NAV1: variants seen among roughly 807,000 people sequenced by gnomAD.
NAV1 encodes neuron navigator 1.
NAV1 carries 18 observed loss-of-function variants against 175.2 expected under a neutral mutation model. The ratio of observed to expected loss-of-function variants is 0.10; its 90% confidence interval spans 0.07 to 0.15. The LOEUF is 0.15. NAV1 is among the 10% of genes least tolerant of loss of function. The pLI is 1.00. For synonymous variants in NAV1, 897 were observed against 978.7 expected, an observed-to-expected ratio of 0.92 and a Z score of 1.56; for missense variants, 1,731 against 2,436.6, an observed-to-expected ratio of 0.71 and a Z score of 6.10.
Position 201,718,955 on chromosome 1 carries a change from G to A in NAV1, c.1226+200G>A, listed in dbSNP as rs142696258. ...TATTCTAGACTTGGGTGTGGTGTAGGCAGGGCCTACATCCAAGGAGCTGAT... is the reference window on the plus strand; with the variant it reads ...TATTCTAGACTTGGGTGTGGTGTAGACAGGGCCTACATCCAAGGAGCTGAT... On this transcript the variant is annotated intron_variant, in intron 3 of 29. Coordinates refer to ENST00000367296, the Ensembl canonical transcript of NAV1. This position sits in a 1 kb window ranked among gnomAD's most constrained non-coding sequence, Gnocchi z 4.8. 2.0e-4 allele frequency among the ~76,000 whole-genome samples: 31 copies of A among 152,148 alleles called. No individual in the cohort carries two copies. Among genetic ancestry groups the A allele is most frequent in the African/African-American group, 7.2e-4 (30 of 41,502 alleles).
In NAV1 at chr1:201,740,182, G is replaced by T; in HGVS notation, c.1226+21427G>T. The T allele has an allele frequency of 1.1e-6, 1 of 945,760 alleles. No individual in the cohort carries two copies. The highest frequency in any genetic ancestry group is 1.5e-6 in the Non-Finnish European group (1 of 660,270). 58.6% of individuals were successfully genotyped at this position (945,760 alleles called of 1,614,324 possible). A position where few individuals can be genotyped will look rare whatever the true frequency, so the allele number is the denominator to read the frequency against. ...GCCCCCCAGTTCCGCCGCAGCTGCA[G>T]TCTCAGGGGCAGTGGGTGTGGGGTC... On this transcript the variant is annotated intron_variant, in intron 3 of 29. Transcript: ENST00000367296. This position sits in a 1 kb window ranked among gnomAD's most constrained non-coding sequence, Gnocchi z 4.7.
Position 201,539,495 on chromosome 1 carries a change from G to A in NAV1, c.-144+153G>A, listed in dbSNP as rs952927950. 1.3e-5 allele frequency among the ~76,000 whole-genome samples: 2 copies of A among 152,116 alleles called. No individual in the cohort carries two copies. Among genetic ancestry groups the A allele is most frequent in the Admixed American group, 1.3e-4 (2 of 15,276 alleles). ...CCGAGGGAGGCTGTGGGCTGGGCTC[G>A]GGAGAGGCGCTGGAATAAATAACAA... On this transcript the variant is annotated intron_variant, in intron 1 of 33. Transcript: ENST00000685211. The surrounding 1 kb of genome is among the most constrained non-coding windows in gnomAD (Gnocchi z 5.6).
chr1:201,559,407 C>T (rs1258099323), intron 1 of NAV1, among the ~76,000 whole-genome samples: 1 of 152,114 alleles, frequency 6.6e-6, no homozygotes, highest in Non-Finnish European at 1.5e-5. Context: ...CAGTGCTCTT[C>T]CAACAGTTGC....
At chr1:201,803,849 C>A in intron 16 of NAV1, 135 bp downstream of exon 20, 1 of 1,163,638 alleles carries the variant, frequency 8.6e-7, no homozygotes, top group Non-Finnish European at 1.2e-6. Context: ...GTGATGTCCG[C>A]TCAGAGCATG....
At position 201,708,435 on chromosome 1, in the gene NAV1, T is replaced by TGC. The variant is rs761155804; in HGVS notation, c.758-4377_758-4376dup. Among the ~76,000 whole-genome samples, 835 of 129,500 alleles carry TGC rather than the reference T, an allele frequency of 6.4e-3. 11 individuals are homozygous for TGC. Among genetic ancestry groups the TGC allele is most frequent in the African/African-American group, 0.02 (692 of 34,774 alleles). The allele number at this position is 129,500 out of a possible 152,430, so 85.0% of individuals were successfully genotyped here. On this transcript the variant is annotated intron_variant, in intron 1 of 29. Transcript: ENST00000367296. ...CCCCCTTCCCCCCTCAAACCCTACT[T>TGC]GCGCGCACACACACACACACACACA...
intron 16 of NAV1, 68 bp downstream of exon 20, chr1:201,803,782 G>A (rs1029528696): frequency 6.4e-5 from 100 of 1,566,164 alleles, no homozygotes; most frequent in Non-Finnish European, 7.0e-5. Context: ...TCAGCATAGG[G>A]ATCGAATCCT....
chr1:201,656,532 C>T (rs1253909913), intron 1 of NAV1, among the ~76,000 whole-genome samples: 6 of 152,024 alleles, frequency 3.9e-5, no homozygotes, highest in Non-Finnish European at 7.3e-5. Context: ...AGGAAGATAG[C>T]GAATGTTGAG....
At chr1:201,562,699 A>G (rs188591871) in intron 1 of NAV1, among the ~76,000 whole-genome samples, 1 of 152,350 alleles carries the variant, frequency 6.6e-6, no homozygotes, top group South Asian at 2.1e-4. Flanking sequence ...CTAGGACTGT[A>G]TGAGAGCAGA....
intron 3 of NAV1, among the ~76,000 whole-genome samples, chr1:201,771,964 A>AATATAT (rs1675618523): frequency 6.6e-6 from 1 of 152,216 alleles, no homozygotes; most frequent in Non-Finnish European, 1.5e-5. Context: ...ATTCTTGGAG[A>AATATAT]ATATATAAAT....
intron 1 of NAV1, among the ~76,000 whole-genome samples, chr1:201,661,566 C>G (rs1206552772): frequency 6.6e-6 from 1 of 152,144 alleles, no homozygotes; most frequent in South Asian, 2.1e-4. Context: ...GGCTCTGTCA[C>G]TCACTAACTG....
intron 1 of NAV1, among the ~76,000 whole-genome samples, chr1:201,579,964 A>G (rs1323576419): frequency 6.6e-6 from 1 of 152,156 alleles, no homozygotes; most frequent in Non-Finnish European, 1.5e-5. Context: ...CAGGCAAGCC[A>G]ATGATGTAGT....
chr1:201,665,818 C>G (rs551493352), intron 1 of NAV1, among the ~76,000 whole-genome samples: 1 of 151,876 alleles, frequency 6.6e-6, no homozygotes, highest in Non-Finnish European at 1.5e-5. Flanking sequence ...TTTCTACCAT[C>G]TACGTTGCAT....
chr1:201,627,978 A>C lies in NAV1; in HGVS notation c.-100-1426A>C, dbSNP rs143678574. Among the ~76,000 whole-genome samples the C allele has an allele frequency of 7.1e-4, 108 of 151,852 alleles. 1 individual carries two copies. In the East Asian group the frequency reaches 0.018, roughly 25 times the overall value. On this transcript the variant is annotated intron_variant, in intron 1 of 29. Coordinates refer to the NAV1 transcript ENST00000367302. ...ACATGGCAAAACCCCATCTCTACAA[A>C]AAATATGAAAATCAGCTAGGCGTGG...
At chr1:201,569,712 CAGG>C (rs1367277693) in intron 1 of NAV1, among the ~76,000 whole-genome samples, 9 of 152,204 alleles carry the variant, frequency 5.9e-5, no homozygotes, top group African/African-American at 2.2e-4. Context: ...CATGGGACTG[CAGG>C]AGCTCAGGAG....
intron 2 of NAV1, among the ~76,000 whole-genome samples, chr1:201,642,549 C>CTT (rs1233296598): frequency 3.5e-4 from 37 of 106,128 alleles, no homozygotes; most frequent in African/African-American, 1.5e-3. Context: ...TTCTTTCTTT[C>CTT]TTTCTTTTTT....
At chr1:201,655,859 C>G (rs1297632997) in intron 1 of NAV1, among the ~76,000 whole-genome samples, 1 of 150,750 alleles carries the variant, frequency 6.6e-6, no homozygotes, top group Non-Finnish European at 1.5e-5. Flanking sequence ...TTTTTTTTTT[C>G]TCAGACTTGA....
At chr1:201,560,042 G>C (rs1322711409) in intron 1 of NAV1, among the ~76,000 whole-genome samples, 1 of 152,186 alleles carries the variant, frequency 6.6e-6, no homozygotes, top group Non-Finnish European at 1.5e-5. Context: ...TAGGGCGGCC[G>C]AGGAAGTTCA....
chr1:201,811,558 G>T, intron 24 of NAV1, 45 bp from the exon 29 acceptor site: 1 of 1,612,378 alleles, frequency 6.2e-7, no homozygotes, highest in Non-Finnish European at 8.5e-7. Flanking sequence ...GGCCGATCCA[G>T]CTGCTTATTC....
At chr1:201,686,549 G>A (rs1347469019) in intron 1 of NAV1, among the ~76,000 whole-genome samples, 1 of 152,228 alleles carries the variant, frequency 6.6e-6, no homozygotes, top group African/African-American at 2.4e-5. Context: ...TTTGTCTCTA[G>A]TGTGTCCCAG....
Sources: allele counts gnomAD v4.1 joint callset (sites outside exome capture counted in the v4.1 genomes callset), GRCh38; gene constraint gnomAD v4.1.1; non-coding constraint Gnocchi (gnomAD v3.1); transcripts MANE v1.5; gene names NCBI Gene and HGNC (gene_info 2026-07-23, HGNC 2026-07-21).